NRXN3: variants seen among roughly 807,000 people sequenced by gnomAD.
The protein encoded by NRXN3 is neurexin III.
NRXN3 carries 32 observed loss-of-function variants against 137.6 expected under a neutral mutation model. The ratio of observed to expected loss-of-function variants is 0.23; its 90% CI spans 0.18 to 0.31. NRXN3 has a LOEUF of 0.31. Among genes scored for constraint, NRXN3 ranks in the 10% least tolerant of loss-of-function variants. The probability of loss-of-function intolerance (pLI) is 1.00; values close to 1 mark genes in which losing one functional copy is unlikely to be tolerated. For missense variants in NRXN3, 1,574 were observed against 2,062.5 expected (o/e 0.76, Z 4.59); for synonymous variants, 798 against 784.5 (o/e 1.02, Z -0.29).
At chr14:79,337,390 T>A (rs529517137) in intron 15 of NRXN3, among the ~76,000 whole-genome samples, 1 of 152,200 alleles carries the variant, frequency 6.6e-6, no homozygotes, top group Non-Finnish European at 1.5e-5. Flanking sequence ...CAAGTGAATG[T>A]AGACTCACAG....
chr14:79,453,580 G>C (rs191825446), intron 15 of NRXN3, among the ~76,000 whole-genome samples: 18 of 152,276 alleles, frequency 1.2e-4, no homozygotes, highest in African/African-American at 3.8e-4. Flanking sequence ...CAAAATCTGA[G>C]TGCATTCTAT....
intron 16 of NRXN3, among the ~76,000 whole-genome samples, chr14:79,580,469 G>A (rs2097704657): frequency 1.4e-5 from 2 of 143,450 alleles, no homozygotes; most frequent in African/African-American, 2.6e-5. Context: ...CAGCATCTTT[G>A]TGAGCTATGA....
chr14:78,967,481 A>G, intron 13 of NRXN3, 83 bp downstream of exon 13: 1 of 945,604 alleles, frequency 1.1e-6, no homozygotes, highest in Non-Finnish European at 1.6e-6. Context: ...CCACAGGTTC[A>G]GAGTGCCATG....
chr14:78,624,521 A>G (rs1054128579), intron 4 of NRXN3, among the ~76,000 whole-genome samples: 3 of 152,216 alleles, frequency 2.0e-5, no homozygotes, highest in African/African-American at 7.2e-5. Context: ...GGGCGGGGCC[A>G]GGTGCTGGAT....
chr14:78,597,472 T>C (rs1395395811), intron 4 of NRXN3, among the ~76,000 whole-genome samples: 1 of 152,200 alleles, frequency 6.6e-6, no homozygotes, highest in Admixed American at 6.5e-5. Flanking sequence ...CATCCCCATC[T>C]TGCATCTTAC....
chr14:79,059,820 C>T (rs561900820), intron 15 of NRXN3, among the ~76,000 whole-genome samples: 24 of 152,334 alleles, frequency 1.6e-4, no homozygotes, highest in Non-Finnish European at 2.8e-4. Context: ...GAGCCTATTA[C>T]TCTTGAGATG....
At chr14:79,356,739 T>G (rs150886695) in intron 15 of NRXN3, among the ~76,000 whole-genome samples, 4 of 152,278 alleles carry the variant, frequency 2.6e-5, no homozygotes, top group African/African-American at 9.6e-5. Flanking sequence ...TTTTTTTTCT[T>G]TTTTTTGAAA....
At chr14:79,836,796 C>T (rs1022837338) in intron 20 of NRXN3, among the ~76,000 whole-genome samples, 2 of 152,142 alleles carry the variant, frequency 1.3e-5, no homozygotes, top group Non-Finnish European at 2.9e-5. Context: ...TCATTGTTTA[C>T]ATAGCACCCA....
At chr14:79,357,829 A>G (rs17109094) in intron 15 of NRXN3, among the ~76,000 whole-genome samples, 11,282 of 152,200 alleles carry the variant, frequency 0.074, 460 homozygotes, top group African/African-American at 0.099. Context: ...CATGTTTTTA[A>G]CTTCTGTGCT....
chr14:78,906,244 C>G (rs2152761267), intron 10 of NRXN3, among the ~76,000 whole-genome samples: 1 of 152,194 alleles, frequency 6.6e-6, no homozygotes, highest in Middle Eastern at 3.4e-3. Context: ...TATTTACATT[C>G]TGCTTCACTT....
intron 4 of NRXN3, among the ~76,000 whole-genome samples, chr14:78,496,408 A>T (rs1267386954): frequency 6.6e-6 from 1 of 152,156 alleles, no homozygotes; most frequent in Non-Finnish European, 1.5e-5. Context: ...AATTTGGAAG[A>T]CCACTTCTCT....
intron 3 of NRXN3, among the ~76,000 whole-genome samples, chr14:78,293,244 T>G (rs778626456): frequency 2.6e-5 from 4 of 152,176 alleles, no homozygotes; most frequent in Non-Finnish European, 5.9e-5. Context: ...CCCTTTTCCT[T>G]TGAGGTGTCA....
chr14:79,501,418 G>A (rs17109313), intron 16 of NRXN3, among the ~76,000 whole-genome samples: 61,581 of 151,868 alleles, frequency 0.41, 12,543 homozygotes, highest in South Asian at 0.47. Context: ...TGCATCATCA[G>A]TTAAGCTGTC....
At chr14:79,784,519 A>T (rs866549167) in intron 19 of NRXN3, among the ~76,000 whole-genome samples, 7 of 151,324 alleles carry the variant, frequency 4.6e-5, no homozygotes, top group Non-Finnish European at 5.9e-5. Flanking sequence ...GGACTGAAGG[A>T]GATAGGCTGC....
intron 19 of NRXN3, among the ~76,000 whole-genome samples, chr14:79,789,510 C>T (rs1399782952): frequency 4.6e-5 from 7 of 152,252 alleles, no homozygotes; most frequent in African/African-American, 1.7e-4. Flanking sequence ...ATAGACAGAG[C>T]ATCCCCAAGG....
In NRXN3 at chr14:78,966,392, C is replaced by T. The variant is rs749622842; in HGVS notation, c.2763C>T (p.Val921=). 6.1e-5 allele frequency: 98 copies of T among 1,612,050 alleles called. No homozygotes were observed. The highest frequency in any genetic ancestry group is 8.0e-5 in the African/African-American group (6 of 74,892). ...GTGATGGCAATGACTTCATTGCAGT[C>T]GAGCTTGTCAAGGGGTAAGTAGAAG... ...NSGDGNDFIA[V]ELVKGYIHYV... The change falls in exon 12 of 21, where the codon GTC becomes GTT. Residue 921 remains valine, a synonymous_variant. Transcript: ENST00000335750.
chr14:79,542,695 A>G (rs2097285152), intron 16 of NRXN3, among the ~76,000 whole-genome samples: 1 of 152,256 alleles, frequency 6.6e-6, no homozygotes, highest in African/African-American at 2.4e-5. Flanking sequence ...GGTGAGTCAA[A>G]TGTAATTCTC....
chr14:78,934,251 T>C (rs557489901), intron 10 of NRXN3, among the ~76,000 whole-genome samples: 3 of 151,596 alleles, frequency 2.0e-5, no homozygotes, highest in African/African-American at 7.3e-5. Flanking sequence ...CTCTCAGCAG[T>C]CCATTTCTAT....
chr14:79,624,069 G>A (rs148466149), intron 16 of NRXN3, among the ~76,000 whole-genome samples: 316 of 152,138 alleles, frequency 2.1e-3, no homozygotes, highest in African/African-American at 7.4e-3. Context: ...GACTGCCTTT[G>A]GTTGACACCA....
Sources: allele counts gnomAD v4.1 joint callset (sites outside exome capture counted in the v4.1 genomes callset), GRCh38; gene constraint gnomAD v4.1.1; transcripts MANE v1.5; gene names NCBI Gene and HGNC (gene_info 2026-07-23, HGNC 2026-07-21).